Variants in PCDH9 observed in about 807,000 individuals in gnomAD.
PCDH9 encodes protocadherin-9.
PCDH9 carries 24 observed loss-of-function variants against 70.6 expected under a neutral mutation model. The observed-to-expected ratio is 0.34, with a 90% CI of 0.25 to 0.48. The LOEUF is 0.48. Ranked by LOEUF, PCDH9 falls within the 20% of genes least tolerant of loss-of-function variation. PCDH9 has a pLI of 0.99. For synonymous variants in PCDH9, 562 were observed against 558.5 expected, an observed-to-expected ratio of 1.01 and a Z score of -0.09; for missense variants, 1,281 against 1,503.6, an observed-to-expected ratio of 0.85 and a Z score of 2.45.
chr13:66,954,757 CT>C (rs1335716460), intron 2 of PCDH9, among the ~76,000 whole-genome samples: 6 of 152,116 alleles, frequency 3.9e-5, no homozygotes, highest in African/African-American at 7.2e-5. Flanking sequence ...TGAGATAGAA[CT>C]TTTTTTGTTT....
rs377631463 is a variant in PCDH9, at chr13:67,227,567, C to T, written c.874G>A (p.Gly292Ser). Residue 292 changes from glycine to serine, a missense_variant, in exon 2 of 5, where the codon GGT becomes AGT. By Grantham distance (56) the Gly-to-Ser change is moderately conservative. Around this residue, in one of 4 missense-constraint regions of PCDH9, gnomAD observed 798 missense variants for 1,003.1 expected, o/e 0.80. Coordinates refer to ENST00000377865, the MANE Select transcript of PCDH9 (RefSeq NM_203487.3). This position sits in a 1 kb window ranked among gnomAD's most constrained non-coding sequence, Gnocchi z 4.6. ...TTGGTTGCAGGGGCGACCTGGGCAC[C>T]AAAAATGTACCGGATTTCAGCATTA... ...GSNAEIRYIF[G>S]AQVAPATKRL... 1 of 1,614,024 alleles carries T rather than the reference C, an allele frequency of 6.2e-7. No individual in the cohort carries two copies. Among genetic ancestry groups the T allele is most frequent in the African/African-American group, 1.3e-5 (1 of 74,998 alleles).
At chr13:66,579,666 A>G (rs1322335375) in intron 4 of PCDH9, among the ~76,000 whole-genome samples, 1 of 152,094 alleles carries the variant, frequency 6.6e-6, no homozygotes, top group Non-Finnish European at 1.5e-5. Context: ...ATATGTATGT[A>G]TACCCATCCA....
At chr13:66,549,687 C>A (rs1181533565) in intron 4 of PCDH9, among the ~76,000 whole-genome samples, 1 of 151,904 alleles carries the variant, frequency 6.6e-6, no homozygotes, top group Admixed American at 6.6e-5. Flanking sequence ...ATCTTCGGAG[C>A]ACCTATAAAG....
intron 3 of PCDH9, among the ~76,000 whole-genome samples, chr13:66,664,794 T>A (rs2078069834): frequency 6.6e-6 from 1 of 152,052 alleles, no homozygotes; most frequent in Admixed American, 6.6e-5. Flanking sequence ...TTCTCAACTT[T>A]ACCTTTTGTT....
chr13:66,745,467 C>G (rs1389977532), intron 3 of PCDH9, among the ~76,000 whole-genome samples: 1 of 152,210 alleles, frequency 6.6e-6, no homozygotes, highest in East Asian at 1.9e-4. Flanking sequence ...GAGAGATCAA[C>G]CAAGCAGGAA....
intron 2 of PCDH9, among the ~76,000 whole-genome samples, chr13:66,971,902 A>G (rs749165193): frequency 1.6e-4 from 25 of 152,016 alleles, no homozygotes; most frequent in Non-Finnish European, 2.9e-4. Context: ...TCTTCGAGCT[A>G]TTGTTAAAGG....
At chr13:66,330,984 C>A (rs955519815) in intron 4 of PCDH9, among the ~76,000 whole-genome samples, 1 of 152,106 alleles carries the variant, frequency 6.6e-6, no homozygotes, top group African/African-American at 2.4e-5. Context: ...GAGATAATAT[C>A]TCACAAATGT....
chr13:66,673,090 T>A (rs2078198804), intron 3 of PCDH9, among the ~76,000 whole-genome samples: 2 of 152,124 alleles, frequency 1.3e-5, no homozygotes, highest in African/African-American at 4.8e-5. Context: ...CAGGGCAAAA[T>A]GATATGGTTC....
chr13:66,625,090 T>A (rs2077481163), intron 4 of PCDH9, among the ~76,000 whole-genome samples: 1 of 151,990 alleles, frequency 6.6e-6, no homozygotes, highest in Admixed American at 6.6e-5. Context: ...ATTCCAGACA[T>A]CATATTGTTT....
At chr13:66,924,833 G>A (rs2082691876) in intron 2 of PCDH9, among the ~76,000 whole-genome samples, 1 of 151,686 alleles carries the variant, frequency 6.6e-6, no homozygotes, top group Non-Finnish European at 1.5e-5. Flanking sequence ...CAGCTATATT[G>A]CTATTTCCAT....
intron 2 of PCDH9, among the ~76,000 whole-genome samples, chr13:66,927,314 C>T (rs991659047): frequency 1.3e-5 from 2 of 152,014 alleles, no homozygotes; most frequent in Admixed American, 6.6e-5. Context: ...CTAAACACTG[C>T]ATGTTCTCAC....
chr13:67,227,913 T>C lies in PCDH9; in HGVS notation c.528A>G (p.Val176=). The C allele has an allele frequency of 6.2e-7, 1 of 1,614,140 alleles. No homozygotes were observed. The highest frequency in any genetic ancestry group is 8.5e-7 in the Non-Finnish European group (1 of 1,180,000). ...GCCCATTTAACAATTCATAATGCTGTACACCATTGAAGCCTGTGTCAGGAT... is the reference window on the plus strand; with the variant it reads ...GCCCATTTAACAATTCATAATGCTGCACACCATTGAAGCCTGTGTCAGGAT... ...ATDPDTGFNG[V]QHYELLNGQS... is the part of the protein sequence containing the mutation. The change falls in exon 2 of 5, where the codon GTA becomes GTG. Residue 176 remains valine, a synonymous_variant. Coordinates refer to ENST00000377865, the MANE Select transcript of PCDH9 (RefSeq NM_203487.3). The surrounding 1 kb of genome is among the most constrained non-coding windows in gnomAD (Gnocchi z 4.6).
intron 4 of PCDH9, among the ~76,000 whole-genome samples, chr13:66,454,412 C>A (rs1315774864): frequency 2.6e-5 from 4 of 152,226 alleles, no homozygotes; most frequent in South Asian, 4.1e-4. Context: ...GTTGTAGGGA[C>A]CTTCCTTCTC....
chr13:66,665,786 T>C (rs1566491803), intron 3 of PCDH9, among the ~76,000 whole-genome samples: 2 of 152,244 alleles, frequency 1.3e-5, no homozygotes, highest in East Asian at 1.9e-4. Flanking sequence ...AATATTTTCA[T>C]CCTTCACGGA....
chr13:66,354,164 T>C (rs759043476), intron 4 of PCDH9, among the ~76,000 whole-genome samples: 1 of 152,192 alleles, frequency 6.6e-6, no homozygotes, highest in Non-Finnish European at 1.5e-5. Flanking sequence ...TTTTTAACTT[T>C]ACCCAAAGAG....
At chr13:66,977,825 A>C (rs1012769905) in intron 2 of PCDH9, among the ~76,000 whole-genome samples, 4 of 152,098 alleles carry the variant, frequency 2.6e-5, no homozygotes, top group Admixed American at 2.6e-4. Flanking sequence ...GTAAAATCTG[A>C]TCTCCTCAGT....
At chr13:66,853,576 G>A (rs1203871121) in intron 3 of PCDH9, among the ~76,000 whole-genome samples, 1 of 152,090 alleles carries the variant, frequency 6.6e-6, no homozygotes, top group Non-Finnish European at 1.5e-5. Context: ...TGTAGAAGGT[G>A]GTTCCAAAAG....
intron 2 of PCDH9, chr13:67,203,446 G>A (rs1429591537): frequency 6.6e-6 from 1 of 151,750 alleles, no homozygotes; most frequent in African/African-American, 2.4e-5. Flanking sequence ...GCATACTCTT[G>A]ACCCTTTTGG....
intron 2 of PCDH9, among the ~76,000 whole-genome samples, chr13:67,128,621 G>A (rs371440835): frequency 1.3e-5 from 2 of 152,132 alleles, no homozygotes; most frequent in East Asian, 1.9e-4. Flanking sequence ...CTGTCATTTC[G>A]CCCACCATTT....
Sources: gnomAD v4.1 joint callset for allele counts (sites outside exome capture counted in the v4.1 genomes callset) on GRCh38, gnomAD v4.1.1 for gene constraint, gnomAD v4.1.1 regional missense constraint, Gnocchi (gnomAD v3.1) non-coding constraint, MANE v1.5 for transcripts, NCBI Gene and HGNC (gene_info 2026-07-23, HGNC 2026-07-21) for gene names.